MUC15: variants seen among roughly 807,000 people sequenced by gnomAD.
MUC15 encodes the protein mucin-15.
Under a neutral mutation model 24.0 loss-of-function variants are expected in MUC15, and 23 were observed. The observed-to-expected ratio is 0.96, with a 90% CI of 0.69 to 1.36. The LOEUF (loss-of-function observed/expected upper bound fraction) is 1.36. Among genes scored for constraint, MUC15 ranks in the 40% most tolerant of loss-of-function variants. The pLI is 0.00. For synonymous variants in MUC15, 151 were observed against 156.3 expected (o/e 0.97, Z 0.25); for missense variants, 442 against 428.2 (o/e 1.03, Z -0.29).
In MUC15 at chr11:26,559,835, T is replaced by TAC. The variant is rs71047866; in HGVS notation, c.*1228_*1229dup. ...TTATTTTCTGAAGCTGTTTCTGTGT[T>TAC]ACACACACACACACACACACACACA... is the stretch of plus-strand genomic sequence containing the variant. On this transcript the variant is annotated 3_prime_UTR_variant, in exon 5 of 5. Transcript: ENST00000529533. 68,595 of 653,486 alleles carry TAC rather than the reference T, an allele frequency of 0.1. 1,991 individuals carry two copies. The highest frequency in any genetic ancestry group is 0.11 in the Admixed American group (5,579 of 48,936). The allele number at this position is 653,486 out of a possible 1,614,324, so 40.5% of individuals were successfully genotyped here. A position where few individuals can be genotyped will look rare whatever the true frequency, so the allele number is the denominator to read the frequency against.
intron 4 of MUC15, among the ~76,000 whole-genome samples, chr11:26,562,388 T>G (rs919644908): frequency 1.3e-5 from 2 of 151,938 alleles, no homozygotes; most frequent in Non-Finnish European, 2.9e-5. Flanking sequence ...TTATTTGTTA[T>G]GGTGACAAGA....
chr11:26,567,549 G>A (rs866041111), intron 1 of MUC15, among the ~76,000 whole-genome samples: 9 of 152,016 alleles, frequency 5.9e-5, no homozygotes, highest in Middle Eastern at 6.8e-3. Flanking sequence ...GTGGTACAAC[G>A]TAAATATATC....
chr11:26,561,087 G>A lies in MUC15; in HGVS notation c.1064C>T (p.Pro355Leu). 6.2e-7 allele frequency: 1 copy of A among 1,611,068 alleles called. No individual in the cohort carries two copies. Among genetic ancestry groups the A allele is most frequent in the South Asian group, 1.1e-5 (1 of 90,708 alleles). The change falls in exon 5 of 5, where the codon CCT becomes CTT. Residue 355 changes from proline to leucine, a missense_variant. Coordinates refer to ENST00000529533, the MANE Select transcript of MUC15 (RefSeq NM_001135091.2). Reference sequence around the variant, plus strand: ...GTTCTATACAGAAGTACGAAGTGGAGGTATGTCATCCATAGGAATGCCATC... The same window carrying A: ...GTTCTATACAGAAGTACGAAGTGGAAGTATGTCATCCATAGGAATGCCATC... ...ARDGIPMDDI[P>L]PLRTSV
chr11:26,564,724 CACACACACATATATATATATATATATAT>C (rs1161675247), intron 3 of MUC15, among the ~76,000 whole-genome samples: 123 of 57,350 alleles, frequency 2.1e-3, no homozygotes, highest in South Asian at 3.6e-3. Flanking sequence ...CACACACACA[CACACACACATATATATATATATATATAT>C]ATATATATAT....
At chr11:26,564,690 T>C (rs1406585020) in intron 3 of MUC15, among the ~76,000 whole-genome samples, 1 of 18,676 alleles carries the variant, frequency 5.4e-5, no homozygotes, top group East Asian at 1.1e-3. Context: ...TACTCATATA[T>C]ATACACACAC....
intron 3 of MUC15, 132 bp from the exon 4 acceptor site, chr11:26,563,397 G>C (rs61877025): frequency 0.11 from 7,793 of 69,762 alleles, 57 homozygotes; most frequent in Non-Finnish European, 0.14. Flanking sequence ...TTCTCTCTCT[G>C]TGTGTGTGTG....
Position 26,563,262 on chromosome 11 carries a change from T to A in MUC15, c.779A>T (p.Asn260Ile). 2.5e-6 allele frequency: 4 copies of A among 1,595,480 alleles called. No individual in the cohort carries two copies. The highest frequency in any genetic ancestry group is 3.4e-6 in the Non-Finnish European group (4 of 1,172,708). ...CCCGAATACTATTCCTGTATTTCTA[T>A]TTTCTACAGGACAAAAAAAATTTAA... ...FPNTSDPQKE[N>I]RNTGIVFGAI... The change falls in exon 4 of 5, where the codon AAT becomes ATT. Residue 260 changes from asparagine to isoleucine, a missense_variant. Transcript: ENST00000529533.
intron 4 of MUC15, 136 bp downstream of exon 4, chr11:26,562,980 G>A: frequency 1.6e-6 from 2 of 1,214,914 alleles, no homozygotes; most frequent in Non-Finnish European, 2.2e-6. Flanking sequence ...AACAGAAGGT[G>A]GATCAGAATA....
chr11:26,565,319 C>T lies in MUC15; in HGVS notation c.621G>A (p.Val207=). The T allele has an allele frequency of 1.2e-6, 2 of 1,610,626 alleles. No homozygotes were observed. Among genetic ancestry groups the T allele is most frequent in the Non-Finnish European group, 1.7e-6 (2 of 1,178,036 alleles). ...ILSSEPTSPS[V]TPLIVEPSGW... ...CACTTGGTTCCACTATCAAGGGGGT[C>T]ACAGATGGAGAAGTTGGTTCTGAAG... The change falls in exon 3 of 5, where the codon GTG becomes GTA. Residue 207 remains valine (V), a synonymous_variant. Coordinates refer to ENST00000529533, the MANE Select transcript of MUC15 (RefSeq NM_001135091.2).
In MUC15 at chr11:26,559,871, C is replaced by A; in HGVS notation, c.*1194G>T. 12 of 797,752 alleles carry A rather than the reference C, an allele frequency of 1.5e-5. No individual in the cohort carries two copies. The highest frequency in any genetic ancestry group is 2.5e-5 in the Non-Finnish European group (12 of 482,570). The allele number at this position is 797,752 out of a possible 1,614,324, so 49.4% of individuals were successfully genotyped here. ...ACACACACACACACACACACACACA[C>A]ACACCATGAATCAATTCAAAAATAA... On this transcript the variant is annotated 3_prime_UTR_variant, in exon 5 of 5. Transcript: ENST00000529533.
chr11:26,561,344 C>CT, intron 4 of MUC15, 119 bp from the exon 5 acceptor site: 4 of 720,708 alleles, frequency 5.6e-6, no homozygotes, highest in Non-Finnish European at 8.1e-6. Flanking sequence ...TTTATATGGG[C>CT]TTTTTAGATT....
Position 26,560,750 on chromosome 11 carries a change from AGTTAT to A in MUC15, c.*310_*314del. ...TTTGGTGGAATAATTTTTATTATTT[AGTTAT>A]GAGGCAGGGCTGTAATGGTGAAATC... On this transcript the variant is annotated 3_prime_UTR_variant, in exon 5 of 5. Transcript: ENST00000529533. The A allele has an allele frequency of 5.1e-6, 1 of 196,694 alleles. No homozygotes were observed. The highest frequency in any genetic ancestry group is 1.0e-5 in the Non-Finnish European group (1 of 98,044). 12.2% of individuals were successfully genotyped at this position (196,694 alleles called of 1,614,324 possible).
chr11:26,568,814 C>T (rs1012493591), intron 1 of MUC15, among the ~76,000 whole-genome samples: 4 of 151,982 alleles, frequency 2.6e-5, no homozygotes, highest in African/African-American at 9.7e-5. Context: ...TGTACCTTTT[C>T]AGAAACATCT....
At chr11:26,563,730 G>T (rs1275387020) in intron 3 of MUC15, among the ~76,000 whole-genome samples, 1 of 151,812 alleles carries the variant, frequency 6.6e-6, no homozygotes, top group Non-Finnish European at 1.5e-5. Flanking sequence ...AAACAAATAA[G>T]AAGTCACTAC....
chr11:26,563,821 C>A (rs1263863668), intron 3 of MUC15, among the ~76,000 whole-genome samples: 1 of 151,820 alleles, frequency 6.6e-6, no homozygotes, highest in Non-Finnish European at 1.5e-5. Flanking sequence ...CAGTGCCTTG[C>A]ATATCAAGAA....
Position 26,565,717 on chromosome 11 carries a change from A to C in MUC15, c.223T>G (p.Ser75Ala). The change falls in exon 3 of 5, where the codon TCT (serine) becomes GCT (alanine). Residue 75 changes from serine to alanine, a missense_variant. Transcript: ENST00000529533. ...TTTAAGTTTGCTTCACTTTCCAAAG[A>C]AATAGGTTTATTTTCCATTGTTTTA... is the stretch of plus-strand genomic sequence containing the variant. ...VFKTMENKPI[S>A]LESEANLNSD... The C allele has an allele frequency of 6.2e-7, 1 of 1,605,934 alleles. No individual in the cohort carries two copies. The highest frequency in any genetic ancestry group is 1.7e-5 in the Admixed American group (1 of 59,380).
At chr11:26,570,876 G>T (rs1231575361) in intron 1 of MUC15, among the ~76,000 whole-genome samples, 2 of 152,028 alleles carry the variant, frequency 1.3e-5, no homozygotes, top group Non-Finnish European at 2.9e-5. Flanking sequence ...TTCTAAAAAT[G>T]CCTCTTTTAT....
intron 3 of MUC15, among the ~76,000 whole-genome samples, chr11:26,564,715 A>G (rs1850455767): frequency 1.2e-5 from 1 of 80,744 alleles, no homozygotes; most frequent in Admixed American, 1.7e-4. Context: ...ACACACACAC[A>G]CACACACACA....
At chr11:26,570,485 T>C (rs1353228476) in intron 1 of MUC15, among the ~76,000 whole-genome samples, 1 of 152,148 alleles carries the variant, frequency 6.6e-6, no homozygotes, top group Non-Finnish European at 1.5e-5. Flanking sequence ...TCCTGGTTTA[T>C]GTCAGGTAAT....
Sources: gnomAD v4.1 joint callset for allele counts (sites outside exome capture counted in the v4.1 genomes callset) on GRCh38, gnomAD v4.1.1 for gene constraint, MANE v1.5 for transcripts, NCBI Gene and HGNC (gene_info 2026-07-23, HGNC 2026-07-21) for gene names.